Variants in ARID1B observed in about 807,000 individuals in gnomAD.
ARID1B encodes the protein AT-rich interactive domain-containing protein 1B.
A neutral mutation model predicts 212.3 loss-of-function variants in ARID1B; 30 were observed. The ratio of observed to expected loss-of-function variants is 0.14; its 90% confidence interval spans 0.11 to 0.19. The LOEUF is 0.19. Among genes scored for constraint, ARID1B ranks in the 10% least tolerant of loss-of-function variants. The probability of loss-of-function intolerance (pLI) is 1.00; values close to 1 mark genes in which losing one functional copy is unlikely to be tolerated. For missense variants in ARID1B, 2,891 were observed against 3,204.0 expected (o/e 0.90, Z 2.36); for synonymous variants, 1,402 against 1,301.7 (o/e 1.08, Z -1.66).
intron 2 of ARID1B, chr6:156,829,697 A>G (rs1371409157): frequency 6.0e-6 from 2 of 330,650 alleles, no homozygotes; most frequent in East Asian, 1.0e-4. Flanking sequence ...GCAGCAGGTT[A>G]TAACAGATGT....
At chr6:157,146,026 T>C (rs75618450) in intron 7 of ARID1B, among the ~76,000 whole-genome samples, 5,308 of 152,132 alleles carry the variant, frequency 0.035, 160 homozygotes, top group African/African-American at 0.074. Flanking sequence ...AGGATAAATC[T>C]CAAACTTAGA....
intron 4 of ARID1B, among the ~76,000 whole-genome samples, chr6:156,995,565 A>G (rs577549506): frequency 5.9e-5 from 9 of 152,224 alleles, no homozygotes; most frequent in Non-Finnish European, 1.0e-4. Flanking sequence ...GGAACTGAAC[A>G]ATTTGGGACT....
rs112280270 is a variant in ARID1B at position 157,091,238 on chromosome 6, C to G, written c.2491+6333C>G. Among the ~76,000 whole-genome samples, 311 of 152,278 alleles carry G rather than the reference C, an allele frequency of 2.0e-3. 2 individuals carry two copies. The highest frequency in any genetic ancestry group is 7.1e-3 in the African/African-American group (294 of 41,562). On this transcript the variant is annotated intron_variant, in intron 5 of 19. Coordinates refer to ENST00000636930, the MANE Select transcript of ARID1B (RefSeq NM_001374828.1). ...AGCATACCAACCAGCCATAATGAAT[C>G]TGTGCCCCTCAGGAAAATCTCAGAC...
chr6:156,992,247 T>TTG (rs1472494867), intron 4 of ARID1B, among the ~76,000 whole-genome samples: 1 of 152,142 alleles, frequency 6.6e-6, no homozygotes, highest in Non-Finnish European at 1.5e-5. Context: ...ATGAGTGTGC[T>TTG]TGTGTGTGTG....
At chr6:157,047,864 G>A (rs1272520623) in intron 4 of ARID1B, among the ~76,000 whole-genome samples, 1 of 152,128 alleles carries the variant, frequency 6.6e-6, no homozygotes, top group African/African-American at 2.4e-5. Flanking sequence ...GTTCATTTGG[G>A]ACATGCACAT....
At chr6:157,199,108 G>A (rs925453210) in intron 17 of ARID1B, among the ~76,000 whole-genome samples, 3 of 152,236 alleles carry the variant, frequency 2.0e-5, no homozygotes, top group South Asian at 2.1e-4. Flanking sequence ...CTTGATACAC[G>A]GTTTCTTGAA....
chr6:156,992,303 G>A (rs528305220), intron 4 of ARID1B, among the ~76,000 whole-genome samples: 4 of 152,200 alleles, frequency 2.6e-5, no homozygotes, highest in South Asian at 2.1e-4. Context: ...ATTGCAGTTC[G>A]GTTGCTCCCT....
At chr6:156,889,274 T>A (rs1294307099) in intron 2 of ARID1B, among the ~76,000 whole-genome samples, 5 of 152,248 alleles carry the variant, frequency 3.3e-5, no homozygotes, top group African/African-American at 9.6e-5. Context: ...AGCTGCGGAT[T>A]TTTTCCTGTT....
At chr6:157,175,192 G>A (rs185202599) in intron 11 of ARID1B, 187 bp downstream of exon 11, 19 of 457,992 alleles carry the variant, frequency 4.1e-5, no homozygotes, top group South Asian at 1.7e-4. Flanking sequence ...TAAAGTTTGC[G>A]TGCATCAAAG....
intron 8 of ARID1B, chr6:157,151,992 C>T (rs1475345559): frequency 1.5e-4 from 23 of 152,106 alleles, no homozygotes; most frequent in Admixed American, 1.5e-3. Context: ...AAACATCATC[C>T]CCAAAGTGAA....
intron 4 of ARID1B, among the ~76,000 whole-genome samples, chr6:157,001,157 G>C (rs186209393): frequency 9.2e-5 from 14 of 152,310 alleles, no homozygotes; most frequent in Admixed American, 9.2e-4. Flanking sequence ...CATGCAGCAA[G>C]GAAACGGGGT....
At chr6:156,919,051 G>GA (rs1790580896) in intron 3 of ARID1B, among the ~76,000 whole-genome samples, 1 of 152,214 alleles carries the variant, frequency 6.6e-6, no homozygotes, top group Non-Finnish European at 1.5e-5. Context: ...ACCCATTGAA[G>GA]AATGAAGAAA....
intron 4 of ARID1B, among the ~76,000 whole-genome samples, chr6:157,050,180 T>C (rs1024675994): frequency 1.3e-5 from 2 of 152,114 alleles, no homozygotes; most frequent in African/African-American, 4.8e-5. Flanking sequence ...AGCTCCACTT[T>C]GTATATCATC....
chr6:157,019,218 A>C (rs1253331273), intron 4 of ARID1B, among the ~76,000 whole-genome samples: 1 of 152,220 alleles, frequency 6.6e-6, no homozygotes, highest in South Asian at 2.1e-4. Flanking sequence ...TGGGTTGGAA[A>C]GAGCCTGGTG....
Position 157,207,840 on chromosome 6 carries a change from T to G in ARID1B, c.7068T>G (p.Ser2356=). The G allele has an allele frequency of 6.6e-7, 1 of 1,516,404 alleles. No homozygotes were observed. The highest frequency in any genetic ancestry group is 1.3e-5 in the South Asian group (1 of 75,110). 93.9% of individuals were successfully genotyped at this position (1,516,404 alleles called of 1,614,324 possible). ...LDISISAVLN[S]LVASVICDVL... ...TCTCGATATCAGCTGTCCTGAACTC[T>G]CTGGTTGCATCTGTCATCTGTGATG... Residue 2356 remains serine, a synonymous_variant, in exon 20 of 20, where the codon TCT becomes TCG. Transcript: ENST00000636930. This position sits in a 1 kb window ranked among gnomAD's most constrained non-coding sequence, Gnocchi z 8.5.
At chr6:157,095,536 C>T (rs547963423) in intron 5 of ARID1B, among the ~76,000 whole-genome samples, 15 of 152,342 alleles carry the variant, frequency 9.8e-5, no homozygotes, top group Non-Finnish European at 1.6e-4. Context: ...TTCCCCAGTG[C>T]TCCATGGGCG....
intron 2 of ARID1B, among the ~76,000 whole-genome samples, chr6:156,897,392 G>GC (rs1211379374): frequency 6.6e-6 from 1 of 151,456 alleles, no homozygotes; most frequent in African/African-American, 2.4e-5. Flanking sequence ...TCCTGCCTCA[G>GC]CCTCCCTAGT....
intron 4 of ARID1B, among the ~76,000 whole-genome samples, chr6:157,054,924 G>T (rs1782850413): frequency 6.6e-6 from 1 of 152,166 alleles, no homozygotes; most frequent in Admixed American, 6.5e-5. Context: ...CCCAGTGGTG[G>T]GTCTCTTTTC....
chr6:156,975,621 T>C (rs1178028211), intron 4 of ARID1B, among the ~76,000 whole-genome samples: 1 of 150,198 alleles, frequency 6.7e-6, no homozygotes, highest in South Asian at 2.1e-4. Flanking sequence ...TTCTTTTTTT[T>C]TTTTTTTTTC....
Sources: gnomAD v4.1 joint callset for allele counts (sites outside exome capture counted in the v4.1 genomes callset) on GRCh38, gnomAD v4.1.1 for gene constraint, Gnocchi (gnomAD v3.1) non-coding constraint, MANE v1.5 for transcripts, NCBI Gene and HGNC (gene_info 2026-07-23, HGNC 2026-07-21) for gene names.